SPTAN1: variants seen among roughly 807,000 people sequenced by gnomAD.
SPTAN1 encodes the protein spectrin alpha chain, non-erythrocytic 1.
Under a neutral mutation model 331.3 loss-of-function variants are expected in SPTAN1, and 61 were observed. The ratio of observed to expected loss-of-function variants is 0.18; its 90% confidence interval spans 0.15 to 0.23. The LOEUF (loss-of-function observed/expected upper bound fraction) is 0.23. Among genes scored for constraint, SPTAN1 ranks in the 10% least tolerant of loss-of-function variants. SPTAN1 has a pLI of 1.00. For synonymous variants in SPTAN1, 1,153 were observed against 1,173.9 expected, an observed-to-expected ratio of 0.98 and a Z score of 0.36; for missense variants, 2,043 against 3,147.9, an observed-to-expected ratio of 0.65 and a Z score of 8.40.
chr9:128,621,028 T>A, intron 44 of SPTAN1, 130 bp from the exon 45 acceptor site: 1 of 771,708 alleles, frequency 1.3e-6, no homozygotes, highest in Non-Finnish European at 2.3e-6. Flanking sequence ...TTTATTATCC[T>A]CTTCCCCAGC....
Position 128,613,309 on chromosome 9 carries a change from G to A in SPTAN1, c.5044-72G>A, listed in dbSNP as rs891114159. On this transcript the variant is annotated intron_variant, in intron 39 of 56. Transcript: ENST00000372739. ...AGCAAGGCCCTGGAATAGCCACTGG[G>A]CAACCTGAATTTTCCAGAATGCTGA... The A allele has an allele frequency of 3.8e-6, 5 of 1,308,722 alleles. No individual in the cohort carries two copies. The African/African-American group carries it at 5.8e-5, about 15-fold the overall frequency. The allele number at this position is 1,308,722 out of a possible 1,614,324, so 81.1% of individuals were successfully genotyped here.
chr9:128,581,832 G>T lies in SPTAN1; in HGVS notation c.1512G>T (p.Ala504=), dbSNP rs141424626. 2 of 1,614,116 alleles carry T rather than the reference G, an allele frequency of 1.2e-6. No individual in the cohort carries two copies. Among genetic ancestry groups the T allele is most frequent in the African/African-American group, 1.3e-5 (1 of 75,042 alleles). Residue 504 remains alanine (A), a synonymous_variant, in exon 12 of 57, where the codon GCG becomes GCT. Coordinates refer to ENST00000372739, the MANE Select transcript of SPTAN1 (RefSeq NM_001130438.3). ...GAGATTCCTTGGATAGTGTGGAAGCGCTTCTTAAGAAGCACGAAGACTTTG... is the reference window on the plus strand; with the variant it reads ...GAGATTCCTTGGATAGTGTGGAAGCTCTTCTTAAGAAGCACGAAGACTTTG... The part of the protein sequence containing the change: ...DLGDSLDSVE[A]LLKKHEDFEK...
chr9:128,598,538 G>C (rs1263730358), intron 25 of SPTAN1, 34 bp downstream of exon 25: 1 of 1,495,882 alleles, frequency 6.7e-7, no homozygotes, highest in Non-Finnish European at 9.2e-7. Flanking sequence ...AGGCTCTGTT[G>C]CTGTAAGGAT....
Position 128,576,896 on chromosome 9 carries a change from G to A in SPTAN1, c.725G>A (p.Gly242Asp). 1.9e-6 allele frequency: 3 copies of A among 1,614,168 alleles called. No homozygotes were observed. Among genetic ancestry groups the A allele is most frequent in the Non-Finnish European group, 2.5e-6 (3 of 1,180,048 alleles). Residue 242 changes from glycine (G) to aspartate (D), a missense_variant, in exon 6 of 57, where the codon GGC becomes GAC. Coordinates refer to ENST00000372739, the MANE Select transcript of SPTAN1 (RefSeq NM_001130438.3). Reference protein sequence around the residue: ...EVNAAWQRLKGLALQRQGKLF... With the variant: ...EVNAAWQRLKDLALQRQGKLF... ...AATGCAGCCTGGCAGCGGCTGAAGG[G>A]CCTGGCTCTGCAGAGGCAGGGGAAG...
intron 31 of SPTAN1, among the ~76,000 whole-genome samples, chr9:128,606,949 A>G (rs193209273): frequency 1.7e-3 from 262 of 151,472 alleles, no homozygotes; most frequent in Non-Finnish European, 3.1e-3. Flanking sequence ...TTAACTAATC[A>G]CCCCCTCTTC....
rs1234545016 is a variant in SPTAN1, at chr9:128,585,903, A to G, written c.2716A>G (p.Met906Val). 2 of 1,613,696 alleles carry G rather than the reference A, an allele frequency of 1.2e-6. No individual in the cohort carries two copies. Among genetic ancestry groups the G allele is most frequent in the Non-Finnish European group, 1.7e-6 (2 of 1,180,042 alleles). ...FADANEAESW[M>V]REKEPIVGST... ...TGATGCTAACGAGGCTGAATCCTGG[A>G]TGCGGGAGAAGGAACCCATTGTGGG... is the stretch of plus-strand genomic sequence containing the variant. The change falls in exon 19 of 57, where the codon ATG becomes GTG. Residue 906 changes from methionine (M) to valine (V), a missense_variant. Transcript: ENST00000372739.
At chr9:128,560,273 G>A (rs1001196734) in intron 1 of SPTAN1, among the ~76,000 whole-genome samples, 38 of 151,624 alleles carry the variant, frequency 2.5e-4, no homozygotes, top group African/African-American at 8.7e-4. Context: ...TAATAGAGAC[G>A]AGGTTCCACC....
intron 48 of SPTAN1, 130 bp from the exon 49 acceptor site, chr9:128,626,261 A>G: frequency 8.6e-7 from 1 of 1,169,438 alleles, no homozygotes; most frequent in South Asian, 1.2e-5. Context: ...ACAGGAGCAG[A>G]GGGGAGCTAA....
intron 1 of SPTAN1, among the ~76,000 whole-genome samples, chr9:128,558,147 CTCT>C (rs1479742978): frequency 9.2e-5 from 14 of 152,180 alleles, no homozygotes; most frequent in Admixed American, 9.2e-4. Flanking sequence ...TCAGACCCCA[CTCT>C]TCTTCCGAGA....
chr9:128,574,727 G>A lies in SPTAN1; in HGVS notation c.416G>A (p.Arg139Gln), dbSNP rs773288631. 18 of 1,614,050 alleles carry A rather than the reference G, an allele frequency of 1.1e-5. No individual in the cohort carries two copies. The highest frequency in any genetic ancestry group is 6.7e-5 in the African/African-American group (5 of 74,896). ...TGGGAATTACTTTTGGAGAAGATGC[G>A]AGAAAAAGGAATCAAACTGCTGCAG... The part of the protein sequence containing the change: ...RQWELLLEKM[R>Q]EKGIKLLQAQ... Residue 139 changes from arginine to glutamine, a missense_variant, in exon 4 of 57, where the codon CGA becomes CAA. Arg to Gln is a conservative substitution (Grantham distance 43). Around this residue, in one of 12 missense-constraint regions of SPTAN1, gnomAD observed 1,038 missense variants for 1,531.5 expected, o/e 0.68. Transcript: ENST00000372739.
rs556044801 is a variant in SPTAN1 at position 128,561,430 on chromosome 9, G to A, written c.-3-5308G>A. On this transcript the variant is annotated intron_variant, in intron 1 of 56. Transcript: ENST00000372739. ...TGTAATCCCAGCTCTTTTGGAGGCC[G>A]AGGCAGGCAGATCACGAGGTCAAGA... 2.4e-3 allele frequency among the ~76,000 whole-genome samples: 364 copies of A among 151,016 alleles called. 3 individuals carry two copies. The highest frequency in any genetic ancestry group is 3.8e-3 in the Non-Finnish European group (256 of 67,756).
chr9:128,579,766 G>A, intron 10 of SPTAN1, 28 bp downstream of exon 10: 2 of 1,565,808 alleles, frequency 1.3e-6, no homozygotes, highest in Non-Finnish European at 1.8e-6. Context: ...GAGCTTTTGA[G>A]GAGCAAATTA....
chr9:128,605,285 T>A lies in SPTAN1; in HGVS notation c.3865-11T>A. 6.2e-7 allele frequency: 1 copy of A among 1,614,130 alleles called. No homozygotes were observed. Among genetic ancestry groups the A allele is most frequent in the Non-Finnish European group, 8.5e-7 (1 of 1,180,018 alleles). On this transcript the variant is annotated splice_polypyrimidine_tract_variant and intron_variant, in intron 30 of 56. Coordinates refer to ENST00000372739, the MANE Select transcript of SPTAN1 (RefSeq NM_001130438.3). ...CTTACTGCAAGCTCATTCACCACTT[T>A]CTTCCCATAGGTAAACTCCCTTGGT...
At chr9:128,624,019 G>A (rs948017336) in intron 45 of SPTAN1, among the ~76,000 whole-genome samples, 2 of 142,392 alleles carry the variant, frequency 1.4e-5, no homozygotes, top group East Asian at 4.1e-4. Flanking sequence ...GGAGGCGGAG[G>A]TTGCAGTGAG....
intron 1 of SPTAN1, chr9:128,553,432 T>C (rs1848343906): frequency 6.6e-6 from 1 of 152,180 alleles, no homozygotes. Context: ...CTTGTTTGTG[T>C]GTGTGTTTCC....
chr9:128,604,795 G>A (rs1384410985), intron 29 of SPTAN1, among the ~76,000 whole-genome samples: 1 of 152,174 alleles, frequency 6.6e-6, no homozygotes, highest in African/African-American at 2.4e-5. Flanking sequence ...GCTGGGCATG[G>A]TGGTGGGCGC....
intron 3 of SPTAN1, among the ~76,000 whole-genome samples, chr9:128,570,442 A>G (rs1850574674): frequency 6.7e-6 from 1 of 149,352 alleles, no homozygotes; most frequent in African/African-American, 2.5e-5. Flanking sequence ...GGTTCAAGCA[A>G]TTCTCCTGCC....
intron 24 of SPTAN1, among the ~76,000 whole-genome samples, chr9:128,594,628 C>T (rs1422510243): frequency 6.6e-6 from 1 of 151,524 alleles, no homozygotes; most frequent in East Asian, 1.9e-4. Context: ...GACAGGTTTT[C>T]ACCATGTTGG....
chr9:128,593,611 A>G (rs1220589340), intron 23 of SPTAN1: 3 of 204,018 alleles, frequency 1.5e-5, no homozygotes, highest in South Asian at 1.8e-4. Flanking sequence ...GATACTCAGT[A>G]CTGTGCCTGA....
Sources: allele counts gnomAD v4.1 joint callset (sites outside exome capture counted in the v4.1 genomes callset), GRCh38; gene constraint gnomAD v4.1.1; regional missense constraint gnomAD v4.1.1; transcripts MANE v1.5; gene names NCBI Gene and HGNC (gene_info 2026-07-23, HGNC 2026-07-21).